Variants in GRIK4 observed in about 807,000 individuals in gnomAD.
GRIK4 encodes glutamate ionotropic receptor kainate type subunit 4.
Under a neutral mutation model 104.9 loss-of-function variants are expected in GRIK4, and 40 were observed. The ratio of observed to expected loss-of-function variants is 0.38; its 90% CI spans 0.30 to 0.50. GRIK4 has a LOEUF of 0.50. Among genes scored for constraint, GRIK4 ranks in the 20% least tolerant of loss-of-function variants. The pLI is 0.93. For synonymous variants in GRIK4, 485 were observed against 524.9 expected, an observed-to-expected ratio of 0.92 and a Z score of 1.04; for missense variants, 1,047 against 1,308.1, an observed-to-expected ratio of 0.80 and a Z score of 3.08.
chr11:120,530,130 G>A (rs1020469968), intron 1 of GRIK4, among the ~76,000 whole-genome samples: 1 of 152,244 alleles, frequency 6.6e-6, no homozygotes, highest in Non-Finnish European at 1.5e-5. Context: ...CACAAGGTGC[G>A]GGTGTGGAGA....
rs1402713491 is a variant in GRIK4, at chr11:120,961,103, T to C, written c.2040+29T>C. 3.1e-6 allele frequency: 5 copies of C among 1,598,138 alleles called. No individual in the cohort carries two copies. In the African/African-American group the frequency reaches 5.4e-5, roughly 17 times the overall value. On this transcript the variant is annotated intron_variant, in intron 17 of 20. Transcript: ENST00000527524. ...AACCCCATTTGGTTGCTCACCAGCA[T>C]CGGGAATTGGGCAGAATAAAGTTGA...
At position 120,921,530 on chromosome 11, in the gene GRIK4, G is replaced by A. The variant is rs571761738; in HGVS notation, c.1476+16037G>A. On this transcript the variant is annotated intron_variant, in intron 13 of 20. Transcript: ENST00000527524. ...AGCAGCAGTCCAGGTGTACCGGTGC[G>A]TTTAGCAGGTTGGGGCTGCAGGAGG... 1.4e-4 allele frequency among the ~76,000 whole-genome samples: 21 copies of A among 152,322 alleles called. No homozygotes were observed. The East Asian group carries it at 2.5e-3, about 18-fold the overall frequency.
intron 11 of GRIK4, among the ~76,000 whole-genome samples, chr11:120,885,988 C>T (rs1179778212): frequency 6.6e-6 from 1 of 152,208 alleles, no homozygotes; most frequent in African/African-American, 2.4e-5. Context: ...CTTCTTATGC[C>T]AGACGTTGGG....
At chr11:120,618,541 T>C (rs1471481723) in intron 1 of GRIK4, among the ~76,000 whole-genome samples, 1 of 152,166 alleles carries the variant, frequency 6.6e-6, no homozygotes, top group Non-Finnish European at 1.5e-5. Context: ...CTTGAGGCAT[T>C]TCAGAGACCA....
intron 3 of GRIK4, among the ~76,000 whole-genome samples, chr11:120,764,621 T>A (rs1452056740): frequency 3.3e-5 from 5 of 152,150 alleles, no homozygotes; most frequent in Non-Finnish European, 7.3e-5. Context: ...TTTTAGTGCT[T>A]CCTTCAGGAG....
At chr11:120,558,574 C>G (rs972346007) in intron 1 of GRIK4, among the ~76,000 whole-genome samples, 1 of 152,134 alleles carries the variant, frequency 6.6e-6, no homozygotes, top group Non-Finnish European at 1.5e-5. Flanking sequence ...GGCGACAGAG[C>G]GAGACTCCGT....
At chr11:120,744,809 GA>G (rs1195331605) in intron 3 of GRIK4, among the ~76,000 whole-genome samples, 1 of 151,994 alleles carries the variant, frequency 6.6e-6, no homozygotes, top group Non-Finnish European at 1.5e-5. Flanking sequence ...AGTGCAAGGG[GA>G]AAAAATCGCT....
At chr11:120,869,622 A>G (rs1954539465) in intron 9 of GRIK4, 1 of 152,418 alleles carries the variant, frequency 6.6e-6, no homozygotes, top group South Asian at 2.1e-4. Context: ...AATAGTGGCA[A>G]CCGTGTGGCA....
At chr11:120,676,434 C>T (rs1950100258) in intron 3 of GRIK4, among the ~76,000 whole-genome samples, 1 of 152,192 alleles carries the variant, frequency 6.6e-6, no homozygotes, top group African/African-American at 2.4e-5. Context: ...TTATTTAGCT[C>T]ATAGTTCTGC....
intron 8 of GRIK4, among the ~76,000 whole-genome samples, chr11:120,855,414 G>A (rs990747594): frequency 5.3e-5 from 8 of 152,162 alleles, no homozygotes; most frequent in African/African-American, 1.9e-4. Context: ...GTTTTGCCTG[G>A]CGCACAGTTG....
chr11:120,734,929 T>G (rs1032991974), intron 3 of GRIK4, among the ~76,000 whole-genome samples: 8 of 152,220 alleles, frequency 5.3e-5, no homozygotes, highest in African/African-American at 1.4e-4. Context: ...TTTTAATTAT[T>G]TCAATCCCTT....
At chr11:120,924,900 T>C (rs1188699894) in intron 13 of GRIK4, among the ~76,000 whole-genome samples, 1 of 152,176 alleles carries the variant, frequency 6.6e-6, no homozygotes, top group African/African-American at 2.4e-5. Flanking sequence ...ATGGCAGGGA[T>C]TCCTGAGAAA....
chr11:120,831,613 G>A (rs780036816), intron 6 of GRIK4, among the ~76,000 whole-genome samples: 6 of 152,250 alleles, frequency 3.9e-5, no homozygotes, highest in South Asian at 2.1e-4. Context: ...GAACGTTCTC[G>A]AGGGAGTCAG....
chr11:120,964,707 A>G (rs1435646924), intron 18 of GRIK4, among the ~76,000 whole-genome samples: 2 of 152,218 alleles, frequency 1.3e-5, no homozygotes, highest in Non-Finnish European at 1.5e-5. Flanking sequence ...AAATGGAAGG[A>G]AATTCATTTG....
At chr11:120,978,248 G>T (rs753078518) in intron 19 of GRIK4, among the ~76,000 whole-genome samples, 5 of 152,116 alleles carry the variant, frequency 3.3e-5, no homozygotes, top group African/African-American at 1.2e-4. Flanking sequence ...ATAAACTAGT[G>T]TATTATTTTA....
At chr11:120,911,086 A>G (rs1426067484) in intron 13 of GRIK4, among the ~76,000 whole-genome samples, 1 of 152,122 alleles carries the variant, frequency 6.6e-6, no homozygotes, top group African/African-American at 2.4e-5. Flanking sequence ...GCTGTCATTG[A>G]TGAAGGGCCT....
At chr11:120,688,532 G>A (rs1001977201) in intron 3 of GRIK4, among the ~76,000 whole-genome samples, 2 of 152,150 alleles carry the variant, frequency 1.3e-5, no homozygotes, top group African/African-American at 4.8e-5. Flanking sequence ...GGCATTCACT[G>A]GGATGAGGAA....
At chr11:120,619,358 G>A (rs1403213285) in intron 1 of GRIK4, among the ~76,000 whole-genome samples, 2 of 152,170 alleles carry the variant, frequency 1.3e-5, no homozygotes, top group African/African-American at 4.8e-5. Flanking sequence ...GATTTTACAG[G>A]CTCATAGGCA....
intron 5 of GRIK4, among the ~76,000 whole-genome samples, chr11:120,816,487 C>G (rs547158375): frequency 6.6e-6 from 1 of 152,214 alleles, no homozygotes; most frequent in South Asian, 2.1e-4. Context: ...TCCAGAAGCT[C>G]TAGTCTCAGG....
Sources: allele counts gnomAD v4.1 joint callset (sites outside exome capture counted in the v4.1 genomes callset), GRCh38; gene constraint gnomAD v4.1.1; transcripts MANE v1.5; gene names NCBI Gene and HGNC (gene_info 2026-07-23, HGNC 2026-07-21).